The following FBXO36 variants were observed in gnomAD, a reference collection of about 807,000 sequenced individuals.
The protein encoded by FBXO36 is F-box protein 36, also known as F-box only protein 36.
In FBXO36, 18 loss-of-function variants were observed where a neutral mutation model predicts 17.0. The ratio of observed to expected loss-of-function variants is 1.06; its 90% CI spans 0.73 to 1.57. The LOEUF is 1.57. FBXO36 is among the 40% of genes most tolerant of loss of function. FBXO36 has a pLI of 0.00. For synonymous variants in FBXO36, 83 were observed against 85.3 expected (o/e 0.97, Z 0.15); for missense variants, 229 against 221.9 (o/e 1.03, Z -0.20).
In FBXO36 at chr2:230,012,816, A is replaced by AT. The variant is rs1362938067; in HGVS notation, c.*1933dup. On this transcript the variant is annotated 3_prime_UTR_variant, in exon 4 of 4. Coordinates refer to ENST00000283946, the MANE Select transcript of FBXO36 (RefSeq NM_174899.5). ...ATCAGTGCAAGATGATTAAAGCTTC[A>AT]TGTGTAGTATTTTATCAACAAACAG... 6.6e-6 allele frequency: 1 copy of AT among 151,806 alleles called. No individual in the cohort carries two copies. Among genetic ancestry groups the AT allele is most frequent in the South Asian group, 2.1e-4 (1 of 4,832 alleles). 9.4% of individuals were successfully genotyped at this position (151,806 alleles called of 1,614,324 possible).
chr2:229,979,738 G>A (rs1402921444), intron 2 of FBXO36, among the ~76,000 whole-genome samples: 2 of 151,762 alleles, frequency 1.3e-5, no homozygotes, highest in Non-Finnish European at 2.9e-5. Context: ...AAAGTCTGCT[G>A]GATTGAGTGG....
intron 1 of FBXO36, among the ~76,000 whole-genome samples, chr2:229,939,909 A>G (rs1261855118): frequency 1.3e-5 from 2 of 152,124 alleles, no homozygotes; most frequent in Non-Finnish European, 2.9e-5. Context: ...TGGTGAAACC[A>G]CGTCTCTACA....
At chr2:229,929,106 G>C (rs1035643848) in intron 1 of FBXO36, among the ~76,000 whole-genome samples, 1 of 150,926 alleles carries the variant, frequency 6.6e-6, no homozygotes, top group Non-Finnish European at 1.5e-5. Flanking sequence ...GCTAATTTTT[G>C]TATTTTTATT....
intron 2 of FBXO36, among the ~76,000 whole-genome samples, chr2:229,980,095 T>C (rs1577352801): frequency 6.6e-6 from 1 of 151,984 alleles, no homozygotes; most frequent in South Asian, 2.1e-4. Context: ...TCGCCTAGGG[T>C]GGACGGCAGT....
rs141831519 is a variant in FBXO36, at chr2:229,947,578, T to C, written c.96+24969T>C. ...GCTGCTGTGTAGAAGATTGCTTGGA[T>C]CAGTTTAAGCCCATGGAGGCAGAGA... On this transcript the variant is annotated intron_variant, in intron 1 of 3. Transcript: ENST00000283946. Among the ~76,000 whole-genome samples the C allele has an allele frequency of 3.2e-4, 49 of 152,346 alleles. 1 individual carries two copies. Among genetic ancestry groups the C allele is most frequent in the African/African-American group, 1.2e-3 (48 of 41,584 alleles).
intron 2 of FBXO36, among the ~76,000 whole-genome samples, chr2:229,987,780 A>AATTAT (rs1453125760): frequency 6.6e-6 from 1 of 151,964 alleles, no homozygotes; most frequent in Non-Finnish European, 1.5e-5. Context: ...ACAAGTGTGC[A>AATTAT]CCACCACACC....
chr2:229,959,712 G>T (rs1201841605), intron 1 of FBXO36, among the ~76,000 whole-genome samples: 2 of 152,118 alleles, frequency 1.3e-5, no homozygotes, highest in Non-Finnish European at 1.5e-5. Flanking sequence ...TGAGCGTGGT[G>T]GTGGGCGCCT....
chr2:229,938,191 A>G (rs1319642136), intron 1 of FBXO36, among the ~76,000 whole-genome samples: 310 of 131,276 alleles, frequency 2.4e-3, no homozygotes, highest in South Asian at 4.0e-3. Flanking sequence ...CACCGCGCCC[A>G]ACCGGATTGG....
intron 1 of FBXO36, among the ~76,000 whole-genome samples, chr2:229,946,657 T>C (rs1173880026): frequency 1.3e-5 from 2 of 152,174 alleles, no homozygotes; most frequent in Non-Finnish European, 2.9e-5. Flanking sequence ...TAAAGACTGA[T>C]AGAGGAGAGA....
At chr2:229,975,973 G>T (rs977362762) in intron 1 of FBXO36, among the ~76,000 whole-genome samples, 1 of 152,002 alleles carries the variant, frequency 6.6e-6, no homozygotes, top group African/African-American at 2.4e-5. Flanking sequence ...CTCCCAAAGT[G>T]CTGGGATTAC....
At chr2:229,997,050 A>G (rs963774665) in intron 3 of FBXO36, 127 bp downstream of exon 3, 1 of 823,888 alleles carries the variant, frequency 1.2e-6, no homozygotes, top group African/African-American at 1.7e-5. Context: ...CACAAGCAGC[A>G]GAGATGAAAT....
rs892098852 is a variant in FBXO36, at chr2:229,969,385, A to T, written c.97-6856A>T. Among the ~76,000 whole-genome samples, 14 of 136,728 alleles carry T rather than the reference A, an allele frequency of 1.0e-4. No individual in the cohort carries two copies. The South Asian group carries it at 1.8e-3, about 18-fold the overall frequency. The allele number at this position is 136,728 out of a possible 152,430, so 89.7% of individuals were successfully genotyped here. ...CTGGAGGCCACCACACTCACAAATT[A>T]AAAAAAAAAAAAAAAAATTCAGGCC... On this transcript the variant is annotated intron_variant, in intron 1 of 3. Coordinates refer to ENST00000283946, the MANE Select transcript of FBXO36 (RefSeq NM_174899.5).
intron 1 of FBXO36, among the ~76,000 whole-genome samples, chr2:229,932,164 A>G (rs1267587700): frequency 2.0e-5 from 3 of 151,674 alleles, no homozygotes; most frequent in Admixed American, 6.6e-5. Flanking sequence ...GGCGGATCAC[A>G]AAGTCAGGAG....
chr2:229,995,534 C>T (rs949703049), intron 2 of FBXO36, among the ~76,000 whole-genome samples: 7 of 149,858 alleles, frequency 4.7e-5, no homozygotes, highest in Admixed American at 1.3e-4. Context: ...CTCTTTGCCT[C>T]TTTATATTTT....
chr2:229,945,420 C>T (rs1370645539), intron 1 of FBXO36, among the ~76,000 whole-genome samples: 1 of 152,234 alleles, frequency 6.6e-6, no homozygotes, highest in African/African-American at 2.4e-5. Flanking sequence ...AGTTCTCCTG[C>T]CTTTGCCTCC....
In FBXO36 at chr2:230,010,653, C is replaced by T. The variant is rs558690811; in HGVS notation, c.379-43C>T. On this transcript the variant is annotated intron_variant, in intron 3 of 3. Transcript: ENST00000283946. ...CAGCAAGAGTTTGATAATGAGTTAA[C>T]ACATGTGTGCTGTAACCCACCTCTG... is the stretch of plus-strand genomic sequence containing the variant. The T allele has an allele frequency of 2.3e-5, 35 of 1,542,018 alleles. No individual in the cohort carries two copies. The South Asian group carries it at 3.8e-4, about 17-fold the overall frequency.
intron 1 of FBXO36, among the ~76,000 whole-genome samples, chr2:229,960,835 G>A (rs1054581786): frequency 2.0e-5 from 3 of 152,132 alleles, no homozygotes; most frequent in Non-Finnish European, 4.4e-5. Flanking sequence ...TAGGCTGGGC[G>A]CAGTGGCTCA....
intron 1 of FBXO36, among the ~76,000 whole-genome samples, chr2:229,931,920 A>AC (rs1560429639): frequency 1.4e-5 from 2 of 147,064 alleles, no homozygotes; most frequent in African/African-American, 5.1e-5. Context: ...ATGTGTATAT[A>AC]TTTTTTTTTT....
chr2:229,946,111 T>G (rs1476406988), intron 1 of FBXO36, among the ~76,000 whole-genome samples: 2 of 147,064 alleles, frequency 1.4e-5, no homozygotes, highest in Admixed American at 6.8e-5. Context: ...CCCCAGGGGG[T>G]TGTGGTGGAG....
Sources: gnomAD v4.1 joint callset for allele counts (sites outside exome capture counted in the v4.1 genomes callset) on GRCh38, gnomAD v4.1.1 for gene constraint, MANE v1.5 for transcripts, NCBI Gene and HGNC (gene_info 2026-07-23, HGNC 2026-07-21) for gene names.